NVL: variants seen among roughly 807,000 people sequenced by gnomAD.
The protein encoded by NVL is nuclear VCP like, also known as nuclear valosin-containing protein-like.
In NVL, 84 loss-of-function variants were observed where a neutral mutation model predicts 110.2. The observed-to-expected ratio is 0.76, with a 90% CI of 0.64 to 0.91. NVL has a LOEUF of 0.91. NVL is among the 40% of genes least tolerant of loss of function. The pLI is 0.00. For synonymous variants in NVL, 354 were observed against 361.1 expected (o/e 0.98, Z 0.22); for missense variants, 882 against 1,035.9 (o/e 0.85, Z 2.04).
chr1:224,264,144 C>T (rs538400512), intron 18 of NVL, among the ~76,000 whole-genome samples: 20 of 152,202 alleles, frequency 1.3e-4, no homozygotes, highest in Admixed American at 7.2e-4. Flanking sequence ...TTCTCTGGTC[C>T]AGCCACTCCA....
intron 15 of NVL, among the ~76,000 whole-genome samples, chr1:224,283,861 T>C (rs1320519897): frequency 1.3e-5 from 2 of 152,204 alleles, no homozygotes; most frequent in Non-Finnish European, 2.9e-5. Flanking sequence ...CAATGCCTTT[T>C]AAGAGTACTG....
intron 18 of NVL, among the ~76,000 whole-genome samples, chr1:224,252,896 T>C (rs980945110): frequency 3.9e-5 from 6 of 152,212 alleles, no homozygotes; most frequent in Admixed American, 3.9e-4. Flanking sequence ...CACCTATCTG[T>C]TTTGGCACTA....
chr1:224,304,636 T>C, intron 8 of NVL, 100 bp downstream of exon 8: 1 of 1,043,108 alleles, frequency 9.6e-7, no homozygotes, highest in Admixed American at 2.1e-5. Flanking sequence ...CAGTTTCCTT[T>C]TCTACACCCA....
intron 12 of NVL, among the ~76,000 whole-genome samples, chr1:224,290,253 G>A (rs1667240431): frequency 6.6e-6 from 1 of 152,102 alleles, no homozygotes; most frequent in Non-Finnish European, 1.5e-5. Flanking sequence ...CAACCTAACT[G>A]GCAACATGGT....
At chr1:224,312,662 A>C (rs1669635033) in intron 4 of NVL, 1 of 152,042 alleles carries the variant, frequency 6.6e-6, no homozygotes, top group South Asian at 2.1e-4. Context: ...TCTACTAAAA[A>C]TACAAAAATT....
intron 11 of NVL, among the ~76,000 whole-genome samples, chr1:224,296,254 T>C (rs772288047): frequency 7.9e-5 from 12 of 152,160 alleles, no homozygotes; most frequent in South Asian, 6.2e-4. Flanking sequence ...TTTCTTTTTA[T>C]TTATTTTTAG....
intron 17 of NVL, among the ~76,000 whole-genome samples, chr1:224,272,145 G>A (rs1665180103): frequency 6.6e-6 from 1 of 151,598 alleles, no homozygotes; most frequent in South Asian, 2.1e-4. Flanking sequence ...AGACCAGCCT[G>A]GCCAACATGG....
At chr1:224,326,594 CAT>C in intron 1 of NVL, 130 bp from the exon 2 acceptor site, 1 of 570,748 alleles carries the variant, frequency 1.8e-6, no homozygotes, top group Non-Finnish European at 3.0e-6. Flanking sequence ...GTACCAGAAA[CAT>C]AAATAAAAGT....
chr1:224,263,922 G>A (rs1664228722), intron 18 of NVL, among the ~76,000 whole-genome samples: 2 of 152,188 alleles, frequency 1.3e-5, no homozygotes, highest in South Asian at 4.1e-4. Context: ...GGCTGAGGCA[G>A]GAGAATCACT....
intron 10 of NVL, among the ~76,000 whole-genome samples, chr1:224,299,200 C>T (rs1003512763): frequency 2.6e-5 from 4 of 152,088 alleles, no homozygotes; most frequent in Non-Finnish European, 4.4e-5. Flanking sequence ...TTGCAAAAGA[C>T]GCCTATGACT....
In NVL at chr1:224,294,384, C is replaced by T. The variant is rs1157253197; in HGVS notation, c.1208G>A (p.Arg403Gln). 17 of 1,613,906 alleles carry T rather than the reference C, an allele frequency of 1.1e-5. No individual in the cohort carries two copies. Among genetic ancestry groups the T allele is most frequent in the African/African-American group, 1.3e-5 (1 of 75,002 alleles). ...DDLNNVAATA[R>Q]VLVIGATNRP... The stretch of plus-strand genomic sequence containing the variant: ...ATTAGTAGCTCCAATAACTAGGACC[C>T]GGGCTGTAGCAGCCACATTATTCAG... Residue 403 changes from arginine (R) to glutamine (Q), a missense_variant, in exon 12 of 23, where the codon CGG becomes CAG. This residue lies in a region of NVL where 416 missense variants were observed against 499.3 expected (regional missense o/e 0.83). Coordinates refer to ENST00000281701, the MANE Select transcript of NVL (RefSeq NM_002533.4).
At chr1:224,281,288 T>TGA (rs753728808) in intron 15 of NVL, 103 bp from the exon 16 acceptor site, 23,036 of 714,436 alleles carry the variant, frequency 0.032, 334 homozygotes, top group Non-Finnish European at 0.045. Context: ...TGTGTGCGTG[T>TGA]GTGTGTGTGT....
At chr1:224,319,104 G>A (rs1373188660) in intron 2 of NVL, among the ~76,000 whole-genome samples, 3 of 107,640 alleles carry the variant, frequency 2.8e-5, no homozygotes, top group African/African-American at 1.1e-4. Context: ...GCAGTGAGCC[G>A]AGATCACACC....
At chr1:224,305,483 GAAAAAAA>G (rs765498742) in intron 6 of NVL, 2 of 168,298 alleles carry the variant, frequency 1.2e-5, no homozygotes, top group African/African-American at 5.0e-5. Flanking sequence ...CCCATATGGG[GAAAAAAA>G]AAAAAAGAAA....
intron 19 of NVL, among the ~76,000 whole-genome samples, chr1:224,247,554 A>G (rs925090899): frequency 4.6e-5 from 7 of 152,028 alleles, no homozygotes; most frequent in African/African-American, 1.7e-4. Flanking sequence ...CTGTAATCCC[A>G]GCTACTCAGG....
At chr1:224,254,335 C>T (rs1476045855) in intron 18 of NVL, among the ~76,000 whole-genome samples, 9 of 149,548 alleles carry the variant, frequency 6.0e-5, no homozygotes, top group Non-Finnish European at 8.9e-5. Context: ...TCGTGATCCA[C>T]CTGCCTTGGC....
intron 1 of NVL, 85 bp downstream of exon 1, chr1:224,329,986 C>A: frequency 7.4e-7 from 1 of 1,356,086 alleles, no homozygotes. Flanking sequence ...TGAGTTCCAC[C>A]TGGATGCCAC....
intron 1 of NVL, among the ~76,000 whole-genome samples, chr1:224,327,594 CATT>C (rs1167123677): frequency 1.3e-5 from 2 of 151,822 alleles, no homozygotes; most frequent in African/African-American, 4.8e-5. Flanking sequence ...CCAAATATCT[CATT>C]ATGTATATGC....
At chr1:224,275,513 G>A (rs1571915237) in intron 16 of NVL, 55 bp from the exon 17 acceptor site, 1 of 1,609,300 alleles carries the variant, frequency 6.2e-7, no homozygotes, top group East Asian at 2.2e-5. Context: ...TGTGGTTTGG[G>A]TCAAATGATA....
Sources: gnomAD v4.1 joint callset for allele counts (sites outside exome capture counted in the v4.1 genomes callset) on GRCh38, gnomAD v4.1.1 for gene constraint, gnomAD v4.1.1 regional missense constraint, MANE v1.5 for transcripts, NCBI Gene and HGNC (gene_info 2026-07-23, HGNC 2026-07-21) for gene names.